ZC2HC1A: variants seen among roughly 807,000 people sequenced by gnomAD.
ZC2HC1A encodes zinc finger C2HC domain-containing protein 1A.
ZC2HC1A carries 28 observed loss-of-function variants against 40.7 expected under a neutral mutation model. The ratio of observed to expected loss-of-function variants is 0.69; its 90% CI spans 0.51 to 0.94. The LOEUF is 0.94. Among genes scored for constraint, ZC2HC1A ranks in the 40% least tolerant of loss-of-function variants. The pLI, the probability that ZC2HC1A is intolerant of heterozygous loss-of-function variation, is 0.00. For missense variants in ZC2HC1A, 389 were observed against 386.3 expected, an observed-to-expected ratio of 1.01 and a Z score of -0.06; for synonymous variants, 129 against 129.2, an observed-to-expected ratio of 1.00 and a Z score of 0.01.
chr8:78,684,445 C>T (rs886938281), intron 3 of ZC2HC1A, among the ~76,000 whole-genome samples: 3 of 152,112 alleles, frequency 2.0e-5, no homozygotes, highest in African/African-American at 7.2e-5. Flanking sequence ...GAGAAACCTG[C>T]CCCCGTGATT....
intron 7 of ZC2HC1A, among the ~76,000 whole-genome samples, chr8:78,709,981 C>G (rs1000095322): frequency 1.2e-4 from 18 of 152,226 alleles, no homozygotes; most frequent in African/African-American, 3.6e-4. Context: ...ACCTAGTAAG[C>G]CACACTAAAA....
chr8:78,703,619 T>C (rs185422709), intron 7 of ZC2HC1A, among the ~76,000 whole-genome samples: 2 of 152,116 alleles, frequency 1.3e-5, no homozygotes, highest in African/African-American at 2.4e-5. Context: ...TTTTTCTGTT[T>C]TCCATTTGCT....
intron 3 of ZC2HC1A, among the ~76,000 whole-genome samples, chr8:78,682,727 C>G (rs1016011887): frequency 1.3e-5 from 2 of 152,118 alleles, no homozygotes; most frequent in Non-Finnish European, 2.9e-5. Context: ...CCCAACAGTC[C>G]CCCAAAGTCT....
At chr8:78,687,649 C>T (rs182440248) in intron 4 of ZC2HC1A, among the ~76,000 whole-genome samples, 27,710 of 55,678 alleles carry the variant, frequency 0.5, 7,798 homozygotes, top group East Asian at 0.85. Flanking sequence ...TATATATTTA[C>T]GTAATACATT....
intron 1 of ZC2HC1A, among the ~76,000 whole-genome samples, chr8:78,675,482 A>G (rs576723120): frequency 6.6e-6 from 1 of 152,022 alleles, no homozygotes; most frequent in African/African-American, 2.4e-5. Flanking sequence ...GAGATAGCCT[A>G]TAAGTTAAGA....
At chr8:78,677,163 A>G (rs556977081) in intron 2 of ZC2HC1A, among the ~76,000 whole-genome samples, 12 of 152,230 alleles carry the variant, frequency 7.9e-5, no homozygotes, top group African/African-American at 2.2e-4. Context: ...TGACAGTTCT[A>G]CCTTCTTTAG....
chr8:78,707,689 A>G (rs1810818611), intron 7 of ZC2HC1A, among the ~76,000 whole-genome samples: 1 of 152,194 alleles, frequency 6.6e-6, no homozygotes, highest in Non-Finnish European at 1.5e-5. Flanking sequence ...TCCATTCTGT[A>G]TAAGATCCTT....
chr8:78,687,047 G>A (rs1026075886), intron 4 of ZC2HC1A, among the ~76,000 whole-genome samples: 1 of 151,948 alleles, frequency 6.6e-6, no homozygotes, highest in African/African-American at 2.4e-5. Flanking sequence ...CATGTGGCTC[G>A]ACTACATTTA....
intron 4 of ZC2HC1A, among the ~76,000 whole-genome samples, chr8:78,688,088 C>T (rs1050035985): frequency 6.6e-5 from 10 of 150,982 alleles, no homozygotes; most frequent in South Asian, 2.1e-4. Context: ...CCATACTTTG[C>T]GAAACCCTGT....
intron 7 of ZC2HC1A, among the ~76,000 whole-genome samples, chr8:78,698,842 GC>G (rs1397122936): frequency 6.6e-6 from 1 of 152,136 alleles, no homozygotes; most frequent in African/African-American, 2.4e-5. Context: ...CAGGCACTGT[GC>G]TAGACATTTT....
rs139860962 is a variant in ZC2HC1A at position 78,699,583 on chromosome 8, C to T, written c.704+1070C>T. Among the ~76,000 whole-genome samples, 1,320 of 152,042 alleles carry T rather than the reference C, an allele frequency of 8.7e-3. 17 individuals are homozygous for T. Among genetic ancestry groups the T allele is most frequent in the African/African-American group, 0.031 (1,266 of 41,480 alleles). ...CATCATCCAGGTATTAAGCCTAGTA[C>T]CCATCAGTTATTTTTCCTGATTCTC... On this transcript the variant is annotated intron_variant, in intron 7 of 8. Transcript: ENST00000263849.
At chr8:78,703,127 C>T (rs994716341) in intron 7 of ZC2HC1A, among the ~76,000 whole-genome samples, 3 of 152,178 alleles carry the variant, frequency 2.0e-5, no homozygotes, top group Admixed American at 2.0e-4. Context: ...AAACCCCTAA[C>T]CTCAGGTCAT....
chr8:78,704,473 G>C (rs2130575495), intron 7 of ZC2HC1A, among the ~76,000 whole-genome samples: 1 of 151,484 alleles, frequency 6.6e-6, no homozygotes, highest in Non-Finnish European at 1.5e-5. Context: ...TCTGCTGTTA[G>C]TCTGATGGGC....
chr8:78,717,584 C>A lies in ZC2HC1A; in HGVS notation c.*91C>A. ...GAGCACATCCTCTAGTTAGTTTGTGCTAAAAATACTCGAAATACCATTTCC... is the reference window on the plus strand; with the variant it reads ...GAGCACATCCTCTAGTTAGTTTGTGATAAAAATACTCGAAATACCATTTCC... On this transcript the variant is annotated 3_prime_UTR_variant, in exon 9 of 9. Coordinates refer to ENST00000263849, the MANE Select transcript of ZC2HC1A (RefSeq NM_016010.3). The A allele has an allele frequency of 7.4e-7, 1 of 1,356,198 alleles. No individual in the cohort carries two copies. The highest frequency in any genetic ancestry group is 9.9e-7 in the Non-Finnish European group (1 of 1,006,658). 84.0% of individuals were successfully genotyped at this position (1,356,198 alleles called of 1,614,324 possible).
chr8:78,717,191 TA>T, intron 8 of ZC2HC1A, 136 bp from the exon 9 acceptor site: 4 of 742,256 alleles, frequency 5.4e-6, no homozygotes, highest in Middle Eastern at 3.4e-4. Flanking sequence ...AAGGATTTTT[TA>T]AAATTTGAAC....
intron 4 of ZC2HC1A, 128 bp from the exon 5 acceptor site, chr8:78,689,094 T>G: frequency 1.8e-6 from 1 of 555,042 alleles, no homozygotes; most frequent in Non-Finnish European, 2.7e-6. Context: ...GTTATAAGGA[T>G]ATGGGAATTT....
At chr8:78,713,316 A>G (rs967072932) in intron 7 of ZC2HC1A, among the ~76,000 whole-genome samples, 5 of 152,126 alleles carry the variant, frequency 3.3e-5, no homozygotes, top group African/African-American at 1.2e-4. Flanking sequence ...ATTGGTAGCT[A>G]TTAATGATGA....
At chr8:78,678,501 G>T in intron 2 of ZC2HC1A, 62 bp from the exon 3 acceptor site, 1 of 1,311,910 alleles carries the variant, frequency 7.6e-7, no homozygotes, top group Non-Finnish European at 1.1e-6. Flanking sequence ...TGTAAATAAA[G>T]TTCTGTAGTC....
intron 7 of ZC2HC1A, among the ~76,000 whole-genome samples, chr8:78,706,850 G>A (rs756497724): frequency 6.6e-6 from 1 of 151,630 alleles, no homozygotes; most frequent in Non-Finnish European, 1.5e-5. Flanking sequence ...AGACCTAAAG[G>A]AATATAATGT....
Sources: gnomAD v4.1 joint callset for allele counts (sites outside exome capture counted in the v4.1 genomes callset) on GRCh38, gnomAD v4.1.1 for gene constraint, MANE v1.5 for transcripts, NCBI Gene and HGNC (gene_info 2026-07-23, HGNC 2026-07-21) for gene names.